SSC4D: variants seen among roughly 807,000 people sequenced by gnomAD.
SSC4D encodes scavenger receptor cysteine rich family member with 4 domains, also known as scavenger receptor cysteine-rich domain-containing group B protein.
SSC4D carries 57 observed loss-of-function variants against 63.4 expected under a neutral mutation model. That is an observed-to-expected ratio of 0.90 (90% CI 0.73 to 1.12). SSC4D has a LOEUF of 1.12. Among genes scored for constraint, SSC4D ranks in the 50% most tolerant of loss-of-function variants. The pLI, the probability that SSC4D is intolerant of heterozygous loss-of-function variation, is 0.00. For missense variants in SSC4D, 791 were observed against 806.4 expected (o/e 0.98, Z 0.23); for synonymous variants, 352 against 345.4 (o/e 1.02, Z -0.21).
In SSC4D at chr7:76,393,561, C is replaced by G; in HGVS notation, c.1177G>C (p.Ala393Pro). The change falls in exon 9 of 11, where the codon GCT becomes CCT. Residue 393 changes from alanine (A) to proline (P), a missense_variant. Ala to Pro is a conservative substitution (Grantham distance 27). Coordinates refer to ENST00000275560, the MANE Select transcript of SSC4D (RefSeq NM_080744.2). ...REAGCGPALG[A>P]TGLGHFGYGR... is the part of the protein sequence containing the mutation. ...TAGCCGAAGTGGCCCAGTCCCGTAG[C>G]GCCCAGCGCAGGCCCGCAGCCCGCT... The G allele has an allele frequency of 6.6e-7, 1 of 1,517,612 alleles. No homozygotes were observed. Among genetic ancestry groups the G allele is most frequent in the Non-Finnish European group, 8.8e-7 (1 of 1,139,532 alleles). The allele number at this position is 1,517,612 out of a possible 1,614,324, so 94.0% of individuals were successfully genotyped here. A position where few individuals can be genotyped will look rare whatever the true frequency, so the allele number is the denominator to read the frequency against.
chr7:76,391,923 C>A, intron 10 of SSC4D, 41 bp downstream of exon 10: 1 of 1,556,906 alleles, frequency 6.4e-7, no homozygotes, highest in South Asian at 1.2e-5. Context: ...CCTTAAGACC[C>A]CGATGCCTCC....
chr7:76,397,865 C>G, intron 5 of SSC4D, 33 bp from the exon 6 acceptor site: 2 of 1,490,540 alleles, frequency 1.3e-6, no homozygotes, highest in African/African-American at 1.4e-5. Flanking sequence ...GGGCGCATCT[C>G]CCACTGGCCT....
At chr7:76,398,946 A>G in intron 4 of SSC4D, 149 bp from the exon 5 acceptor site, 1 of 731,852 alleles carries the variant, frequency 1.4e-6, no homozygotes, top group South Asian at 1.8e-5. Context: ...ACACTGGGGT[A>G]TGAGAGGAGA....
intron 6 of SSC4D, among the ~76,000 whole-genome samples, chr7:76,396,193 G>T (rs562308667): frequency 6.6e-6 from 1 of 152,352 alleles, no homozygotes; most frequent in African/African-American, 2.4e-5. Context: ...CTCGACTCAG[G>T]AGGTGGAGCT....
chr7:76,396,273 C>T (rs1043742051), intron 6 of SSC4D, among the ~76,000 whole-genome samples: 1 of 152,226 alleles, frequency 6.6e-6, no homozygotes, highest in African/African-American at 2.4e-5. Context: ...ATGAGATACG[C>T]CCACTCGTAT....
At chr7:76,403,748 A>G (rs890276290) in intron 2 of SSC4D, among the ~76,000 whole-genome samples, 11 of 150,954 alleles carry the variant, frequency 7.3e-5, no homozygotes, top group Non-Finnish European at 1.3e-4. Context: ...TGCAACCTCC[A>G]CTTCCCAGGT....
chr7:76,397,927 C>T, intron 5 of SSC4D, 95 bp from the exon 6 acceptor site: 2 of 1,257,378 alleles, frequency 1.6e-6, no homozygotes, highest in Middle Eastern at 2.5e-4. Context: ...ATCTACAACC[C>T]TTGGGCATCT....
At position 76,397,723 on chromosome 7, in the gene SSC4D, C is replaced by T. The variant is rs756811945; in HGVS notation, c.663G>A (p.Pro221=). The change falls in exon 6 of 11, where the codon CCG becomes CCA. Residue 221 remains proline (P), a synonymous_variant. Coordinates refer to ENST00000275560, the MANE Select transcript of SSC4D (RefSeq NM_080744.2). The stretch of plus-strand genomic sequence containing the variant: ...GCTGACGACAGACCACAGCGGCATC[C>T]GGCAGCCCCCAGTCGTCGTCACACA... ...GTVCDDDWGL[P]DAAVVCRQLG... 4 of 1,613,344 alleles carry T rather than the reference C, an allele frequency of 2.5e-6. No individual in the cohort carries two copies. Among genetic ancestry groups the T allele is most frequent in the East Asian group, 2.2e-5 (1 of 44,876 alleles).
At chr7:76,391,663 C>T (rs1181016825) in intron 10 of SSC4D, among the ~76,000 whole-genome samples, 1 of 152,082 alleles carries the variant, frequency 6.6e-6, no homozygotes, top group Non-Finnish European at 1.5e-5. Flanking sequence ...TCTCCTGCAC[C>T]CCCCTGGGCT....
intron 9 of SSC4D, among the ~76,000 whole-genome samples, chr7:76,393,129 T>C (rs1408300425): frequency 6.6e-6 from 1 of 152,204 alleles, no homozygotes; most frequent in Non-Finnish European, 1.5e-5. Context: ...GGGATCGGCC[T>C]TAGCCCTGAC....
Position 76,393,689 on chromosome 7 carries a change from G to T in SSC4D, c.1049C>A (p.Pro350Gln), listed in dbSNP as rs1165061625. The T allele has an allele frequency of 2.9e-6, 4 of 1,402,472 alleles. No homozygotes were observed. Among genetic ancestry groups the T allele is most frequent in the African/African-American group, 3.0e-5 (2 of 65,680 alleles). 86.9% of individuals were successfully genotyped at this position (1,402,472 alleles called of 1,614,324 possible). A position where few individuals can be genotyped will look rare whatever the true frequency, so the allele number is the denominator to read the frequency against. ...KSGRLRLVGG[P>Q]GPCRGRVEVL... ...CTCCACGCGGCCGCGGCACGGACCCGGGCCGCCCACCAGTCGCAGCCGTCC... is the reference window on the plus strand; with the variant it reads ...CTCCACGCGGCCGCGGCACGGACCCTGGCCGCCCACCAGTCGCAGCCGTCC... Residue 350 changes from proline to glutamine, a missense_variant, in exon 9 of 11, where the codon CCG (proline) becomes CAG (glutamine). By Grantham distance (76) the Pro-to-Gln change is moderately conservative. Coordinates refer to ENST00000275560, the MANE Select transcript of SSC4D (RefSeq NM_080744.2).
rs937980270 is a variant in SSC4D at position 76,394,027 on chromosome 7, A to G, written c.947-123T>C. The G allele has an allele frequency of 2.1e-5, 20 of 932,784 alleles. No homozygotes were observed. The African/African-American group carries it at 3.1e-4, about 14-fold the overall frequency. The allele number at this position is 932,784 out of a possible 1,614,324, so 57.8% of individuals were successfully genotyped here. The stretch of plus-strand genomic sequence containing the variant: ...CACACCCGTACCCCCACTCAGCTGC[A>G]ACCCCAGAGTCACCACGTTGTCTGG... On this transcript the variant is annotated intron_variant, in intron 7 of 10. Transcript: ENST00000275560.
In SSC4D at chr7:76,405,307, A is replaced by G. The variant is rs1402572108; in HGVS notation, c.-66-802T>C. On this transcript the variant is annotated intron_variant, in intron 1 of 10. Coordinates refer to ENST00000275560, the MANE Select transcript of SSC4D (RefSeq NM_080744.2). ...TATATATATATATATATATATATAT[A>G]TATATATATGTATTTTTTTCTTTCT... is the stretch of plus-strand genomic sequence containing the variant. Among the ~76,000 whole-genome samples the G allele has an allele frequency of 3.0e-4, 14 of 46,174 alleles. 1 individual carries two copies. The highest frequency in any genetic ancestry group is 1.5e-3 in the African/African-American group (12 of 8,268). 30.3% of individuals were successfully genotyped at this position (46,174 alleles called of 152,430 possible).
chr7:76,400,140 T>C (rs1309957464), intron 4 of SSC4D, 146 bp downstream of exon 4: 1 of 916,826 alleles, frequency 1.1e-6, no homozygotes, highest in Admixed American at 4.2e-5. Flanking sequence ...CAGGCTGGGG[T>C]TCTTCCCTGG....
rs570389527 is a variant in SSC4D at position 76,393,387 on chromosome 7, C to T, written c.1333+18G>A. 1.4e-4 allele frequency: 191 copies of T among 1,344,186 alleles called. 2 individuals carry two copies. In the East Asian group the frequency reaches 5.5e-3, roughly 39 times the overall value. The allele number at this position is 1,344,186 out of a possible 1,614,324, so 83.3% of individuals were successfully genotyped here. On this transcript the variant is annotated intron_variant, in intron 9 of 10. Transcript: ENST00000275560. ...TGCGCGGCCCCGCTGTCAGCCTCACCTTCGCTGTCAGCCTCACCTGCGCAG... is the reference window on the plus strand; with the variant it reads ...TGCGCGGCCCCGCTGTCAGCCTCACTTTCGCTGTCAGCCTCACCTGCGCAG...
chr7:76,401,177 C>A, intron 2 of SSC4D, 134 bp from the exon 3 acceptor site: 1 of 1,262,096 alleles, frequency 7.9e-7, no homozygotes, highest in South Asian at 1.6e-5. Flanking sequence ...CCTGCTTTGC[C>A]AAAGCCCCAT....
Position 76,397,603 on chromosome 7 carries a change from G to C in SSC4D, c.783C>G (p.Gly261=), listed in dbSNP as rs139299212. ...ILLDNVHCEG[G]EPRLAACQSL... ...TCTGGCAGGCTGCCAGGCGGGGCTC[G>C]CCGCCTTCGCAGTGCACGTTGTCCA... The change falls in exon 6 of 11, where the codon GGC becomes GGG. Residue 261 remains glycine (G), a synonymous_variant. Coordinates refer to ENST00000275560, the MANE Select transcript of SSC4D (RefSeq NM_080744.2). 2 of 1,607,554 alleles carry C rather than the reference G, an allele frequency of 1.2e-6. No homozygotes were observed. The highest frequency in any genetic ancestry group is 1.1e-5 in the South Asian group (1 of 90,626).
Position 76,394,034 on chromosome 7 carries a change from G to C in SSC4D, c.947-130C>G, listed in dbSNP as rs1325114075. On this transcript the variant is annotated intron_variant, in intron 7 of 10. Transcript: ENST00000275560. Reference sequence around the variant, plus strand: ...GTACCCCCACTCAGCTGCAACCCCAGAGTCACCACGTTGTCTGGCGCGGGT... The same window carrying C: ...GTACCCCCACTCAGCTGCAACCCCACAGTCACCACGTTGTCTGGCGCGGGT... The C allele has an allele frequency of 2.3e-5, 20 of 851,724 alleles. No individual in the cohort carries two copies. The East Asian group carries it at 5.4e-4, about 23-fold the overall frequency. 52.8% of individuals were successfully genotyped at this position (851,724 alleles called of 1,614,324 possible).
rs1304015702 is a variant in SSC4D, at chr7:76,389,340, G to T, written c.*719C>A. 6.5e-6 allele frequency: 1 copy of T among 152,678 alleles called. No homozygotes were observed. 9.5% of individuals were successfully genotyped at this position (152,678 alleles called of 1,614,324 possible). On this transcript the variant is annotated 3_prime_UTR_variant, in exon 11 of 11. Coordinates refer to ENST00000275560, the MANE Select transcript of SSC4D (RefSeq NM_080744.2). ...GCTCAAACAGTGACTGCAGTTATAA[G>T]AGACGGGGGACAATGCTTTATTGAC...
Sources: gnomAD v4.1 joint callset for allele counts (sites outside exome capture counted in the v4.1 genomes callset) on GRCh38, gnomAD v4.1.1 for gene constraint, MANE v1.5 for transcripts, NCBI Gene and HGNC (gene_info 2026-07-23, HGNC 2026-07-21) for gene names.